The following GULP1 variants were observed in gnomAD, a reference collection of about 807,000 sequenced individuals.
The protein encoded by GULP1 is GULP PTB domain containing engulfment adaptor 1.
A neutral mutation model predicts 40.9 loss-of-function variants in GULP1; 19 were observed. That is an observed-to-expected ratio of 0.46 (90% confidence interval 0.32 to 0.68). The LOEUF is 0.68. Ranked by LOEUF, GULP1 falls within the 30% of genes least tolerant of loss-of-function variation. GULP1 has a pLI of 0.03. For synonymous variants in GULP1, 119 were observed against 117.6 expected (o/e 1.01, Z -0.08); for missense variants, 312 against 362.2 (o/e 0.86, Z 1.12).
intron 4 of GULP1, among the ~76,000 whole-genome samples, chr2:188,491,280 A>C (rs2062364090): frequency 6.6e-6 from 1 of 152,228 alleles, no homozygotes; most frequent in East Asian, 1.9e-4. Flanking sequence ...TGTTTCCAAA[A>C]AGTAAAAAAC....
intron 2 of GULP1, among the ~76,000 whole-genome samples, chr2:188,473,352 C>G (rs1194972716): frequency 6.6e-6 from 1 of 152,172 alleles, no homozygotes; most frequent in East Asian, 1.9e-4. Flanking sequence ...AGGCCTCTGT[C>G]CTTCCATTCA....
rs375240220 is a variant in GULP1 at position 188,494,637 on chromosome 2, A to G, written c.90+11145A>G. On this transcript the variant is annotated intron_variant, in intron 4 of 11. Coordinates refer to ENST00000409830, the MANE Select transcript of GULP1 (RefSeq NM_016315.4). ...TTCTTCCAGTTCCGATGCTGCTCCAAAAGAGGAGCGAGCATTTTTAAATGA... is the reference window on the plus strand; with the variant it reads ...TTCTTCCAGTTCCGATGCTGCTCCAGAAGAGGAGCGAGCATTTTTAAATGA... Among the ~76,000 whole-genome samples, 40 of 152,090 alleles carry G rather than the reference A, an allele frequency of 2.6e-4. No individual in the cohort carries two copies. In the East Asian group the frequency reaches 2.7e-3, roughly 10 times the overall value.
intron 2 of GULP1, among the ~76,000 whole-genome samples, chr2:188,439,014 T>G (rs1420422596): frequency 6.6e-6 from 1 of 152,106 alleles, no homozygotes; most frequent in Non-Finnish European, 1.5e-5. Flanking sequence ...TTTGTTAAAT[T>G]AGGAATATTA....
intron 7 of GULP1, among the ~76,000 whole-genome samples, chr2:188,547,498 G>A (rs1376198881): frequency 1.3e-5 from 2 of 152,124 alleles, no homozygotes; most frequent in East Asian, 1.9e-4. Context: ...CAATCTTCAA[G>A]GGCAGGAAGC....
intron 1 of GULP1, among the ~76,000 whole-genome samples, chr2:188,361,662 G>A (rs942958321): frequency 6.6e-6 from 1 of 152,000 alleles, no homozygotes; most frequent in African/African-American, 2.4e-5. Flanking sequence ...AGGTAATTCT[G>A]TTTGGCAGAT....
At chr2:188,332,463 C>T (rs2041733717) in intron 1 of GULP1, among the ~76,000 whole-genome samples, 1 of 152,192 alleles carries the variant, frequency 6.6e-6, no homozygotes, top group Non-Finnish European at 1.5e-5. Flanking sequence ...GCTGGGATTA[C>T]AGGCATGAGC....
rs996772389 is a variant in GULP1 at position 188,477,548 on chromosome 2, T to C, written c.-44-111T>C. 8.7e-6 allele frequency: 5 copies of C among 574,522 alleles called. No individual in the cohort carries two copies. The African/African-American group carries it at 1.0e-4, about 12-fold the overall frequency. The allele number at this position is 574,522 out of a possible 1,614,324, so 35.6% of individuals were successfully genotyped here. ...CTTTGAGGCATTTTAGAATATTGTT[T>C]GTAAATATTTTTAAAAATTTAAAAA... On this transcript the variant is annotated intron_variant, in intron 2 of 11. Coordinates refer to ENST00000409830, the MANE Select transcript of GULP1 (RefSeq NM_016315.4).
At position 188,355,104 on chromosome 2, in the gene GULP1, A is replaced by G. The variant is rs186090396; in HGVS notation, c.-171-28659A>G. ...ACATCCAAAAAGTAGAAAGATTTCA[A>G]AGAAACAACCTAATGATGCAACTCA... is the stretch of plus-strand genomic sequence containing the variant. On this transcript the variant is annotated intron_variant, in intron 1 of 11. Coordinates refer to ENST00000409830, the MANE Select transcript of GULP1 (RefSeq NM_016315.4). 9.8e-5 allele frequency among the ~76,000 whole-genome samples: 15 copies of G among 152,292 alleles called. No homozygotes were observed. In the East Asian group the frequency reaches 2.3e-3, roughly 24 times the overall value.
chr2:188,473,566 C>T (rs1419173651), intron 2 of GULP1, among the ~76,000 whole-genome samples: 1 of 152,156 alleles, frequency 6.6e-6, no homozygotes, highest in African/African-American at 2.4e-5. Context: ...CACTACAGGC[C>T]TGCAGTGAGT....
chr2:188,367,109 T>C (rs2046908766), intron 1 of GULP1, among the ~76,000 whole-genome samples: 1 of 152,230 alleles, frequency 6.6e-6, no homozygotes, highest in Non-Finnish European at 1.5e-5. Context: ...ACAAATTCCT[T>C]GAGGGCAGAA....
At chr2:188,561,924 G>T (rs1374042085) in intron 7 of GULP1, among the ~76,000 whole-genome samples, 1 of 152,152 alleles carries the variant, frequency 6.6e-6, no homozygotes, top group Non-Finnish European at 1.5e-5. Flanking sequence ...CTTGCACCCA[G>T]TCACATCCCA....
intron 4 of GULP1, among the ~76,000 whole-genome samples, chr2:188,511,380 A>G (rs1194233303): frequency 6.6e-6 from 1 of 152,180 alleles, no homozygotes; most frequent in Non-Finnish European, 1.5e-5. Context: ...CTAGTGAGAA[A>G]TGAATTGTGA....
At chr2:188,574,066 C>A (rs1355185917) in intron 9 of GULP1, among the ~76,000 whole-genome samples, 2 of 152,050 alleles carry the variant, frequency 1.3e-5, no homozygotes, top group African/African-American at 4.8e-5. Flanking sequence ...TCTAAAATAT[C>A]TGGATATGCT....
intron 4 of GULP1, among the ~76,000 whole-genome samples, chr2:188,506,993 G>T (rs2063980863): frequency 6.6e-6 from 1 of 151,918 alleles, no homozygotes; most frequent in Non-Finnish European, 1.5e-5. Context: ...AGACTGTTGA[G>T]AGAAGAGAAA....
chr2:188,410,154 G>A (rs1334564224), intron 2 of GULP1, among the ~76,000 whole-genome samples: 1 of 151,960 alleles, frequency 6.6e-6, no homozygotes, highest in Non-Finnish European at 1.5e-5. Context: ...GGAGAAGAAT[G>A]AAATTAGACT....
intron 1 of GULP1, among the ~76,000 whole-genome samples, chr2:188,328,228 A>G (rs968913813): frequency 6.6e-6 from 1 of 152,152 alleles, no homozygotes; most frequent in Non-Finnish European, 1.5e-5. Context: ...ATTAGAGCAC[A>G]TTTCAGAAAC....
chr2:188,301,498 C>T (rs749130910), intron 1 of GULP1, among the ~76,000 whole-genome samples: 5 of 152,100 alleles, frequency 3.3e-5, no homozygotes, highest in African/African-American at 4.8e-5. Flanking sequence ...CCACTAAAAT[C>T]TATTCCTTAT....
chr2:188,453,179 A>G (rs1357360901), intron 2 of GULP1, among the ~76,000 whole-genome samples: 2 of 152,158 alleles, frequency 1.3e-5, no homozygotes, highest in Non-Finnish European at 2.9e-5. Context: ...ATATCTGTTT[A>G]TGTGTTAAAA....
At chr2:188,385,351 G>A (rs2049561966) in intron 2 of GULP1, among the ~76,000 whole-genome samples, 1 of 152,124 alleles carries the variant, frequency 6.6e-6, no homozygotes, top group African/African-American at 2.4e-5. Context: ...TTTAGTCATG[G>A]CTGGAGCAGC....
Sources: gnomAD v4.1 joint callset for allele counts (sites outside exome capture counted in the v4.1 genomes callset) on GRCh38, gnomAD v4.1.1 for gene constraint, MANE v1.5 for transcripts, NCBI Gene and HGNC (gene_info 2026-07-23, HGNC 2026-07-21) for gene names.